SRSF11: variants seen among roughly 807,000 people sequenced by gnomAD.
The protein encoded by SRSF11 is serine and arginine rich splicing factor 11.
A neutral mutation model predicts 56.0 loss-of-function variants in SRSF11; 9 were observed. That is an observed-to-expected ratio of 0.16 (90% CI 0.10 to 0.28). The LOEUF is 0.28. Ranked by LOEUF, SRSF11 falls within the 10% of genes least tolerant of loss-of-function variation. SRSF11 has a pLI of 1.00. For missense variants in SRSF11, 421 were observed against 600.7 expected (o/e 0.70, Z 3.13); for synonymous variants, 222 against 215.3 (o/e 1.03, Z -0.27).
chr1:70,207,273 G>C (rs1012763159), intron 1 of SRSF11, among the ~76,000 whole-genome samples: 22 of 152,042 alleles, frequency 1.4e-4, no homozygotes, highest in Admixed American at 2.0e-4. Context: ...CACAGTAATG[G>C]TAATAGCTGC....
chr1:70,230,579 A>G (rs1437203354), intron 2 of SRSF11: 1 of 1,286,912 alleles, frequency 7.8e-7, no homozygotes, highest in Admixed American at 2.3e-5. Flanking sequence ...CTATCAAAGC[A>G]GCAGTAAAAA....
intron 3 of SRSF11, among the ~76,000 whole-genome samples, 188 bp from the exon 4 acceptor site, chr1:70,234,508 C>T (rs74088023): frequency 0.029 from 4,334 of 152,020 alleles, 214 homozygotes; most frequent in African/African-American, 0.1. Flanking sequence ...GTTTAGGTAT[C>T]GTCTCTGGCT....
chr1:70,231,396 G>A, intron 2 of SRSF11: 1 of 1,057,616 alleles, frequency 9.5e-7, no homozygotes, highest in Non-Finnish European at 1.1e-6. Context: ...TTTGTTTTAG[G>A]ACCCTTAGAT....
chr1:70,219,289 G>A (rs1670295806), upstream of SRSF11, among the ~76,000 whole-genome samples: 1 of 152,126 alleles, frequency 6.6e-6, no homozygotes, highest in South Asian at 2.1e-4. Context: ...GAGTATTCAT[G>A]GGGAATTGAT....
intron 1 of SRSF11, 113 bp downstream of exon 1, chr1:70,221,952 G>C (rs919226323): frequency 6.8e-7 from 1 of 1,469,486 alleles, no homozygotes; most frequent in Non-Finnish European, 9.0e-7. Context: ...TGCTTGAGTG[G>C]CTGGTGGCTG....
chr1:70,238,708 G>T (rs1005076572), intron 6 of SRSF11, among the ~76,000 whole-genome samples: 19 of 152,094 alleles, frequency 1.2e-4, no homozygotes, highest in African/African-American at 4.6e-4. Flanking sequence ...TGCATTTGGG[G>T]GCCAAATATT....
At chr1:70,240,880 A>G (rs561686250) in intron 7 of SRSF11, among the ~76,000 whole-genome samples, 12 of 151,502 alleles carry the variant, frequency 7.9e-5, no homozygotes, top group Non-Finnish European at 1.3e-4. Context: ...AGTTCAAGCA[A>G]TTCTGCCTCA....
chr1:70,231,393 T>C (rs1672815066), intron 2 of SRSF11: 3 of 1,060,662 alleles, frequency 2.8e-6, no homozygotes, highest in Non-Finnish European at 3.4e-6. Context: ...ATATTTGTTT[T>C]AGGACCCTTA....
At chr1:70,237,693 C>T (rs1674426579) in intron 6 of SRSF11, 141 bp downstream of exon 6, 3 of 1,195,716 alleles carry the variant, frequency 2.5e-6, no homozygotes, top group Non-Finnish European at 3.4e-6. Flanking sequence ...GAGTGCCACT[C>T]AGACGTATTT....
At chr1:70,223,685 CCTT>C (rs773134119) in intron 1 of SRSF11, among the ~76,000 whole-genome samples, 211 of 152,266 alleles carry the variant, frequency 1.4e-3, no homozygotes, top group Non-Finnish European at 2.3e-3. Flanking sequence ...TTATTAGTGG[CCTT>C]CTACATTTGA....
chr1:70,219,301 C>G (rs920037532), upstream of SRSF11, among the ~76,000 whole-genome samples: 1 of 152,112 alleles, frequency 6.6e-6, no homozygotes, highest in African/African-American at 2.4e-5. Flanking sequence ...GGAATTGATA[C>G]CAGGACCCCA....
upstream of SRSF11, chr1:70,218,976 A>G (rs991543405): frequency 6.6e-6 from 1 of 152,242 alleles, no homozygotes; most frequent in Admixed American, 6.5e-5. Flanking sequence ...CATAGCATTT[A>G]CATTGTATTC....
At chr1:70,230,495 C>T in intron 2 of SRSF11, 1 of 1,235,484 alleles carries the variant, frequency 8.1e-7, no homozygotes, top group Non-Finnish European at 1.0e-6. Flanking sequence ...TTTTAGGTTC[C>T]TTGGTTAATG....
At chr1:70,237,602 T>G (rs746621297) in intron 6 of SRSF11, 50 bp downstream of exon 6, 1 of 1,598,560 alleles carries the variant, frequency 6.3e-7, no homozygotes, top group Non-Finnish European at 8.5e-7. Context: ...CAAAAATGAT[T>G]TTGACATAAA....
At chr1:70,210,875 A>AT (rs1381617578) in intron 1 of SRSF11, among the ~76,000 whole-genome samples, 1 of 152,028 alleles carries the variant, frequency 6.6e-6, no homozygotes, top group Non-Finnish European at 1.5e-5. Flanking sequence ...AAAAAAAAAA[A>AT]TTATCAAAAA....
At chr1:70,244,861 C>A in intron 8 of SRSF11, 46 bp downstream of exon 8, 1 of 1,594,068 alleles carries the variant, frequency 6.3e-7, no homozygotes, top group South Asian at 1.1e-5. Context: ...CCCAGTACCC[C>A]TAGTACTGTG....
At chr1:70,213,381 T>C (rs1041239869) in intron 1 of SRSF11, among the ~76,000 whole-genome samples, 1 of 152,244 alleles carries the variant, frequency 6.6e-6, no homozygotes, top group Non-Finnish European at 1.5e-5. Flanking sequence ...CTTATTGCTT[T>C]ATAATTTTTA....
Sources: allele counts gnomAD v4.1 joint callset (sites outside exome capture counted in the v4.1 genomes callset), GRCh38; gene constraint gnomAD v4.1.1; transcripts MANE v1.5; gene names NCBI Gene and HGNC (gene_info 2026-07-23, HGNC 2026-07-21).